NKAIN1: variants seen among roughly 807,000 people sequenced by gnomAD.
NKAIN1 encodes sodium/potassium transporting ATPase interacting 1.
Under a neutral mutation model 31.6 loss-of-function variants are expected in NKAIN1, and 13 were observed. The observed-to-expected ratio is 0.41, with a 90% CI of 0.27 to 0.65. The LOEUF is 0.65. Among genes scored for constraint, NKAIN1 ranks in the 30% least tolerant of loss-of-function variants. The pLI, the probability that NKAIN1 is intolerant of heterozygous loss-of-function variation, is 0.30. For missense variants in NKAIN1, 193 were observed against 262.2 expected (o/e 0.74, Z 1.82); for synonymous variants, 104 against 109.0 (o/e 0.95, Z 0.28).
In NKAIN1 at chr1:31,180,251, C is replaced by T. The variant is rs1026492218; in HGVS notation, c.*1452G>A. 2 of 152,500 alleles carry T rather than the reference C, an allele frequency of 1.3e-5. No homozygotes were observed. Among genetic ancestry groups the T allele is most frequent in the African/African-American group, 4.8e-5 (2 of 41,462 alleles). 9.4% of individuals were successfully genotyped at this position (152,500 alleles called of 1,614,324 possible). Reference sequence around the variant, plus strand: ...GGTGCCCCCCAGTTCCTCCATGTCTCCTGCCCTCCTTTCTAACCCAGGGCC... The same window carrying T: ...GGTGCCCCCCAGTTCCTCCATGTCTTCTGCCCTCCTTTCTAACCCAGGGCC... On this transcript the variant is annotated 3_prime_UTR_variant, in exon 7 of 7. Transcript: ENST00000373736.
chr1:31,231,609 C>T (rs943496396), intron 1 of NKAIN1, among the ~76,000 whole-genome samples: 2 of 152,204 alleles, frequency 1.3e-5, no homozygotes, highest in African/African-American at 4.8e-5. Context: ...CAGCTCACTG[C>T]AAGCTCCGCC....
chr1:31,184,452 A>G (rs763113764), intron 3 of NKAIN1, among the ~76,000 whole-genome samples: 8 of 152,146 alleles, frequency 5.3e-5, no homozygotes, highest in Non-Finnish European at 1.2e-4. Flanking sequence ...GTGCCCATCC[A>G]TGCAGTCACT....
chr1:31,182,273 G>T (rs1570446755), intron 5 of NKAIN1, among the ~76,000 whole-genome samples: 1 of 152,080 alleles, frequency 6.6e-6, no homozygotes, highest in Non-Finnish European at 1.5e-5. Flanking sequence ...GCCTCTAAAC[G>T]GGACAAGACC....
At chr1:31,186,401 T>G (rs1418860129) in intron 2 of NKAIN1, among the ~76,000 whole-genome samples, 3 of 148,358 alleles carry the variant, frequency 2.0e-5, no homozygotes, top group Non-Finnish European at 4.4e-5. Context: ...TGTGTTTTTT[T>G]TTTTTTTTTT....
In NKAIN1 at chr1:31,183,973, G is replaced by C. The variant is rs1447807416; in HGVS notation, c.315C>G (p.Arg105=). Residue 105 remains arginine, a synonymous_variant, in exon 4 of 7, where the codon CGC becomes CGG. Transcript: ENST00000373736. ...CTGGCCCATTCTCCATCCACCAGGA[G>C]CGGTGCAGGGATGTGTTGAAGGTCA... is the stretch of plus-strand genomic sequence containing the variant. ...FIMTFNTSLH[R]SWWMENGPGC... 3.1e-6 allele frequency: 5 copies of C among 1,614,124 alleles called. No homozygotes were observed. In the South Asian group the frequency reaches 5.5e-5, roughly 18 times the overall value.
intron 1 of NKAIN1, among the ~76,000 whole-genome samples, chr1:31,223,311 G>A (rs1204296484): frequency 2.7e-5 from 4 of 149,630 alleles, no homozygotes; most frequent in Non-Finnish European, 4.4e-5. Flanking sequence ...GGGAGGCGGA[G>A]GTTGCCATGA....
intron 1 of NKAIN1, among the ~76,000 whole-genome samples, chr1:31,225,168 C>G (rs1645593915): frequency 6.7e-6 from 1 of 149,462 alleles, no homozygotes; most frequent in African/African-American, 2.5e-5. Flanking sequence ...GCTGGGACTA[C>G]AGGCACCCGC....
intron 1 of NKAIN1, among the ~76,000 whole-genome samples, chr1:31,232,424 TAGAGAGAGAGAGAGAG>T (rs34605060): frequency 5.3e-4 from 9 of 16,924 alleles, no homozygotes; most frequent in African/African-American, 1.4e-3. Context: ...TATATATATA[TAGAGAGAGAGAGAGAG>T]AGAGAGAGAG....
chr1:31,192,069 C>T lies in NKAIN1; in HGVS notation c.55-3882G>A, dbSNP rs141764866. Among the ~76,000 whole-genome samples the T allele has an allele frequency of 3.5e-3, 538 of 152,314 alleles. 5 individuals carry two copies. Among genetic ancestry groups the T allele is most frequent in the African/African-American group, 9.1e-3 (379 of 41,564 alleles). On this transcript the variant is annotated intron_variant, in intron 1 of 6. Transcript: ENST00000373736. ...GGGATTACAGACATAAGCCACTGCG[C>T]TGGGCCTCCCTTTGGCTTTATCCAA...
rs181513964 is a variant in NKAIN1, at chr1:31,208,496, C to G, written c.55-20309G>C. ...AAAATGCAGAAGTCCTACCCACAGG[C>G]CTTTGCTACCCTATCAAGCAGGGAA... On this transcript the variant is annotated intron_variant, in intron 1 of 6. Transcript: ENST00000373736. Among the ~76,000 whole-genome samples, 20 of 152,242 alleles carry G rather than the reference C, an allele frequency of 1.3e-4. No individual in the cohort carries two copies. The South Asian group carries it at 3.3e-3, about 25-fold the overall frequency.
chr1:31,204,372 C>T (rs1645407282), intron 1 of NKAIN1, among the ~76,000 whole-genome samples: 1 of 152,102 alleles, frequency 6.6e-6, no homozygotes, highest in African/African-American at 2.4e-5. Flanking sequence ...GAGACAGGGC[C>T]CAGAATCCTC....
rs183696817 is a variant in NKAIN1 at position 31,185,120 on chromosome 1, T to G, written c.273+127A>C. 109 of 705,038 alleles carry G rather than the reference T, an allele frequency of 1.5e-4. No homozygotes were observed. The East Asian group carries it at 2.1e-3, about 14-fold the overall frequency. The allele number at this position is 705,038 out of a possible 1,614,324, so 43.7% of individuals were successfully genotyped here. A position where few individuals can be genotyped will look rare whatever the true frequency, so the allele number is the denominator to read the frequency against. ...GTAGGAAATGGGGCACACAGATTAT[T>G]TGGGCATGTAAGGAGAGAGAGACTT... On this transcript the variant is annotated intron_variant, in intron 3 of 6. Coordinates refer to ENST00000373736, the MANE Select transcript of NKAIN1 (RefSeq NM_024522.3).
chr1:31,233,950 C>T lies in NKAIN1; in HGVS notation c.54+5544G>A, dbSNP rs78759173. ...TGATCCCAGATGTAGTGCTCCTAGC[C>T]CCTGTGCCAGATCTCAGCGAAGCTG... On this transcript the variant is annotated intron_variant, in intron 1 of 6. Transcript: ENST00000373736. This position sits in a 1 kb window ranked among gnomAD's most constrained non-coding sequence, Gnocchi z 4.0. 6.9e-3 allele frequency among the ~76,000 whole-genome samples: 1,048 copies of T among 152,314 alleles called. 30 individuals carry two copies. The East Asian group carries it at 0.085, about 12-fold the overall frequency.
At chr1:31,231,592 G>A (rs985775651) in intron 1 of NKAIN1, among the ~76,000 whole-genome samples, 10 of 152,068 alleles carry the variant, frequency 6.6e-5, no homozygotes, top group African/African-American at 1.9e-4. Flanking sequence ...GTGCAGTGGC[G>A]CCATCTCAGC....
In NKAIN1 at chr1:31,188,172, G is replaced by T; in HGVS notation, c.70C>A (p.Arg24=). Residue 24 remains arginine, a synonymous_variant, in exon 2 of 7, where the codon CGG becomes AGG. Transcript: ENST00000373736. The part of the protein sequence containing the change: ...CCLQLVAALE[R]QIFDFLGYQW... The stretch of plus-strand genomic sequence containing the variant: ...TAGCCCAGGAAGTCAAAGATCTGCC[G>T]CTCCAGCGCAGCCACCTGTGGAAGA... 1 of 1,551,594 alleles carries T rather than the reference G, an allele frequency of 6.4e-7. No individual in the cohort carries two copies. Among genetic ancestry groups the T allele is most frequent in the Non-Finnish European group, 8.7e-7 (1 of 1,146,908 alleles).
At chr1:31,215,942 G>A (rs780452432) in intron 1 of NKAIN1, among the ~76,000 whole-genome samples, 3 of 152,126 alleles carry the variant, frequency 2.0e-5, no homozygotes, top group Non-Finnish European at 4.4e-5. Context: ...AACTACAAAT[G>A]AGGGATGGGC....
chr1:31,233,203 G>C lies in NKAIN1; in HGVS notation c.54+6291C>G, dbSNP rs2148369044. On this transcript the variant is annotated intron_variant, in intron 1 of 6. Coordinates refer to ENST00000373736, the MANE Select transcript of NKAIN1 (RefSeq NM_024522.3). This position sits in a 1 kb window ranked among gnomAD's most constrained non-coding sequence, Gnocchi z 4.0. The stretch of plus-strand genomic sequence containing the variant: ...GATCTCAAGTGATCTGCATGCCTCG[G>C]CCTCCCAAAGTGCTGGGATTACAGG... 6.6e-6 allele frequency among the ~76,000 whole-genome samples: 1 copy of C among 152,204 alleles called. No homozygotes were observed. The highest frequency in any genetic ancestry group is 1.5e-5 in the Non-Finnish European group (1 of 67,996).
intron 1 of NKAIN1, among the ~76,000 whole-genome samples, chr1:31,203,438 CCACTTGAGT>C (rs1474821662): frequency 6.7e-6 from 1 of 149,102 alleles, no homozygotes; most frequent in Non-Finnish European, 1.5e-5. Flanking sequence ...CGCTGCAGAG[CCACTTGAGT>C]AGGACAACGC....
At chr1:31,203,446 G>A (rs1414114234) in intron 1 of NKAIN1, among the ~76,000 whole-genome samples, 1 of 151,554 alleles carries the variant, frequency 6.6e-6, no homozygotes, top group African/African-American at 2.4e-5. Context: ...AGCCACTTGA[G>A]TAGGACAACG....
Sources: allele counts gnomAD v4.1 joint callset (sites outside exome capture counted in the v4.1 genomes callset), GRCh38; gene constraint gnomAD v4.1.1; non-coding constraint Gnocchi (gnomAD v3.1); transcripts MANE v1.5; gene names NCBI Gene and HGNC (gene_info 2026-07-23, HGNC 2026-07-21).